The following STAB2 variants were observed in gnomAD, a reference collection of about 807,000 sequenced individuals.
STAB2 encodes the protein stabilin-2.
STAB2 carries 288 observed loss-of-function variants against 338.1 expected under a neutral mutation model. The ratio of observed to expected loss-of-function variants is 0.85; its 90% CI spans 0.77 to 0.94. The LOEUF (loss-of-function observed/expected upper bound fraction) is 0.94, where lower values mean the gene tolerates loss of function less well. Among genes scored for constraint, STAB2 ranks in the 40% least tolerant of loss-of-function variants. The pLI is 0.00. For missense variants in STAB2, 3,141 were observed against 3,210.1 expected, an observed-to-expected ratio of 0.98 and a Z score of 0.52; for synonymous variants, 1,202 against 1,193.3, an observed-to-expected ratio of 1.01 and a Z score of -0.15.
chr12:103,671,070 T>G (rs1181916449), intron 22 of STAB2, among the ~76,000 whole-genome samples: 1 of 152,196 alleles, frequency 6.6e-6, no homozygotes, highest in Non-Finnish European at 1.5e-5. Context: ...GAGGGGGCAC[T>G]AACACTGCTG....
At chr12:103,649,178 A>T (rs548617271) in intron 10 of STAB2, among the ~76,000 whole-genome samples, 65 of 152,316 alleles carry the variant, frequency 4.3e-4, no homozygotes, top group African/African-American at 1.5e-3. Flanking sequence ...TCAGGTATGA[A>T]CAAAGCTTGG....
chr12:103,743,537 G>A (rs1027611477), intron 56 of STAB2, among the ~76,000 whole-genome samples: 1 of 152,208 alleles, frequency 6.6e-6, no homozygotes, highest in Non-Finnish European at 1.5e-5. Flanking sequence ...CAGACGCAAG[G>A]GGACCAAGCA....
intron 1 of STAB2, among the ~76,000 whole-genome samples, chr12:103,589,442 C>T (rs1200991913): frequency 6.6e-6 from 1 of 152,144 alleles, no homozygotes; most frequent in African/African-American, 2.4e-5. Flanking sequence ...CAGGAAATGC[C>T]TGGATTAGAC....
chr12:103,713,802 G>T, intron 42 of STAB2, 34 bp downstream of exon 42: 2 of 1,611,494 alleles, frequency 1.2e-6, no homozygotes, highest in Non-Finnish European at 1.7e-6. Flanking sequence ...CGGCGAAATG[G>T]TATAAGAGTC....
At chr12:103,754,183 C>T (rs1307668965) in intron 61 of STAB2, among the ~76,000 whole-genome samples, 3 of 152,022 alleles carry the variant, frequency 2.0e-5, no homozygotes, top group Non-Finnish European at 4.4e-5. Context: ...GATGCCAGGA[C>T]CCAGACTCAA....
chr12:103,643,622 G>A (rs985842129), intron 9 of STAB2, among the ~76,000 whole-genome samples: 7 of 152,082 alleles, frequency 4.6e-5, no homozygotes, highest in South Asian at 2.1e-4. Context: ...GAGCATAGGC[G>A]CTGCCAGTTA....
Position 103,587,377 on chromosome 12 carries a change from T to C in STAB2, c.-100T>C. The C allele has an allele frequency of 1.0e-6, 1 of 974,682 alleles. No individual in the cohort carries two copies. The allele number at this position is 974,682 out of a possible 1,614,324, so 60.4% of individuals were successfully genotyped here. ...AAGGAAGGGATTTAAAAGTAAACAG[T>C]GAAATGAGAAAGAATTCACTGGGAG... On this transcript the variant is annotated 5_prime_UTR_variant, in exon 1 of 69. Transcript: ENST00000388887.
At chr12:103,694,001 A>AAAG (rs1283807897) in intron 31 of STAB2, among the ~76,000 whole-genome samples, 1 of 152,018 alleles carries the variant, frequency 6.6e-6, no homozygotes, top group Non-Finnish European at 1.5e-5. Context: ...AAAAAAAAAA[A>AAAG]AAGTACAAGA....
intron 63 of STAB2, among the ~76,000 whole-genome samples, chr12:103,757,088 ATTTTG>A (rs1884188272): frequency 6.7e-6 from 1 of 149,466 alleles, no homozygotes; most frequent in Non-Finnish European, 1.5e-5. Context: ...ATTTATATAT[ATTTTG>A]TTTGTTTGTT....
In STAB2 at chr12:103,708,472, AG is replaced by A; in HGVS notation, c.4226del (p.Gly1409AspfsTer152). 1 of 1,614,134 alleles carries A rather than the reference AG, an allele frequency of 6.2e-7. No individual in the cohort carries two copies. Among genetic ancestry groups the A allele is most frequent in the Non-Finnish European group, 8.5e-7 (1 of 1,179,972 alleles). On this transcript the variant is annotated frameshift_variant, in exon 39 of 69. Transcript: ENST00000388887. LOFTEE classifies it high-confidence loss of function. ...CSCVHGRCNQ[G>X]PLGDGSCDCD... ...CTTGTGTCCATGGGAGATGCAACCA[AG>A]GACCCTTGGGAGATGGCTCCTGTGA...
intron 40 of STAB2, 28 bp from the exon 41 acceptor site, chr12:103,712,339 A>C (rs930060825): frequency 5.7e-6 from 9 of 1,589,228 alleles, no homozygotes; most frequent in Non-Finnish European, 6.9e-6. Flanking sequence ...ATTTTTCTAC[A>C]AACCCCATTT....
At chr12:103,720,989 A>T (rs1278691937) in intron 44 of STAB2, among the ~76,000 whole-genome samples, 1 of 152,226 alleles carries the variant, frequency 6.6e-6, no homozygotes, top group African/African-American at 2.4e-5. Flanking sequence ...TGAGGGAGGC[A>T]CATCTCATAG....
intron 3 of STAB2, among the ~76,000 whole-genome samples, chr12:103,609,167 C>T (rs1335409204): frequency 5.3e-5 from 8 of 152,118 alleles, no homozygotes; most frequent in African/African-American, 9.7e-5. Flanking sequence ...CTTGGCAATG[C>T]GGGCTCTTTT....
Position 103,652,712 on chromosome 12 carries a change from G to A in STAB2, c.1407+7G>A, listed in dbSNP as rs372063223. 1 of 1,570,862 alleles carries A rather than the reference G, an allele frequency of 6.4e-7. No individual in the cohort carries two copies. Among genetic ancestry groups the A allele is most frequent in the South Asian group, 1.2e-5 (1 of 81,360 alleles). On this transcript the variant is annotated splice_region_variant and intron_variant, in intron 12 of 68. Coordinates refer to ENST00000388887, the MANE Select transcript of STAB2 (RefSeq NM_017564.10). ...AATCTTCAACAGCGATAAGGTAAGG[G>A]TTCCTCTGATTTTCACTCCCAGAAC...
intron 31 of STAB2, among the ~76,000 whole-genome samples, chr12:103,693,616 A>T (rs888683060): frequency 5.3e-5 from 8 of 152,192 alleles, no homozygotes; most frequent in Non-Finnish European, 1.0e-4. Flanking sequence ...TAAGGAAAAA[A>T]GTGGAAAAGA....
At chr12:103,719,678 G>A (rs1473055985) in intron 44 of STAB2, among the ~76,000 whole-genome samples, 2 of 152,240 alleles carry the variant, frequency 1.3e-5, no homozygotes, top group Non-Finnish European at 2.9e-5. Flanking sequence ...AATCTAGGAT[G>A]ATGTTATCTG....
chr12:103,703,962 C>T (rs1879124481), intron 35 of STAB2, among the ~76,000 whole-genome samples: 1 of 152,200 alleles, frequency 6.6e-6, no homozygotes, highest in South Asian at 2.1e-4. Context: ...CATGCAGGTT[C>T]ATACACTACC....
At chr12:103,729,320 C>A (rs1255417248) in intron 48 of STAB2, among the ~76,000 whole-genome samples, 1 of 152,002 alleles carries the variant, frequency 6.6e-6, no homozygotes, top group Non-Finnish European at 1.5e-5. Context: ...ACCTGTGTAG[C>A]AAACCTGCAT....
chr12:103,751,381 G>T (rs952779044), intron 60 of STAB2, among the ~76,000 whole-genome samples: 11 of 152,172 alleles, frequency 7.2e-5, no homozygotes, highest in Non-Finnish European at 1.6e-4. Flanking sequence ...GTACTGAGGA[G>T]TGAGATGAGG....
Sources: allele counts gnomAD v4.1 joint callset (sites outside exome capture counted in the v4.1 genomes callset), GRCh38; gene constraint gnomAD v4.1.1; transcripts MANE v1.5; gene names NCBI Gene and HGNC (gene_info 2026-07-23, HGNC 2026-07-21).